Variants in RORA observed in about 807,000 individuals in gnomAD.
RORA encodes the protein nuclear receptor ROR-alpha.
In RORA, 7 loss-of-function variants were observed where a neutral mutation model predicts 69.5. The observed-to-expected ratio is 0.10, with a 90% CI of 0.06 to 0.19. RORA has a LOEUF of 0.19. RORA is among the 10% of genes least tolerant of loss of function. The pLI is 1.00. For synonymous variants in RORA, 261 were observed against 240.8 expected, an observed-to-expected ratio of 1.08 and a Z score of -0.78; for missense variants, 457 against 663.0, an observed-to-expected ratio of 0.69 and a Z score of 3.41.
chr15:61,140,173 A>T (rs1238404902), intron 1 of RORA, among the ~76,000 whole-genome samples: 2 of 152,172 alleles, frequency 1.3e-5, no homozygotes, highest in Non-Finnish European at 2.9e-5. Context: ...CACTTCCAAA[A>T]ATGCAAAGAC....
At chr15:61,080,319 T>A (rs1364808264) in intron 1 of RORA, among the ~76,000 whole-genome samples, 1 of 152,168 alleles carries the variant, frequency 6.6e-6, no homozygotes, top group African/African-American at 2.4e-5. Context: ...CTTACCCATA[T>A]CTTTGCACCT....
At chr15:61,152,205 G>A (rs2079403819) in intron 1 of RORA, among the ~76,000 whole-genome samples, 1 of 152,086 alleles carries the variant, frequency 6.6e-6, no homozygotes. Context: ...TTTTTCTGAA[G>A]TCAACACCTA....
chr15:61,014,754 C>G (rs890837055), intron 1 of RORA, among the ~76,000 whole-genome samples: 1 of 152,186 alleles, frequency 6.6e-6, no homozygotes, highest in Admixed American at 6.5e-5. Flanking sequence ...CAATTTTTCA[C>G]TTCACACTGC....
At chr15:61,149,100 C>T (rs947527148) in intron 1 of RORA, among the ~76,000 whole-genome samples, 2 of 152,168 alleles carry the variant, frequency 1.3e-5, no homozygotes, top group African/African-American at 4.8e-5. Context: ...CAAATGTGAG[C>T]CAGGTGTTAG....
chr15:61,189,395 T>C (rs1596059472), intron 1 of RORA, among the ~76,000 whole-genome samples: 1 of 152,268 alleles, frequency 6.6e-6, no homozygotes, highest in East Asian at 1.9e-4. Context: ...GCTCTTGTTT[T>C]TGAGAGGATC....
chr15:61,040,974 C>G (rs1896737988), intron 1 of RORA: 1 of 152,068 alleles, frequency 6.6e-6, no homozygotes, highest in African/African-American at 2.4e-5. Flanking sequence ...TTTTCTTTGC[C>G]AGGCTTATTT....
At chr15:61,214,169 T>C (rs150288575) in intron 1 of RORA, 2 of 152,364 alleles carry the variant, frequency 1.3e-5, no homozygotes, top group African/African-American at 4.8e-5. Context: ...AACCAGAGTG[T>C]GTTTGCTACT....
At chr15:60,754,348 A>AT (rs1225569604) in intron 1 of RORA, among the ~76,000 whole-genome samples, 1 of 152,196 alleles carries the variant, frequency 6.6e-6, no homozygotes, top group African/African-American at 2.4e-5. Flanking sequence ...TAACACCAAC[A>AT]TATGGGGTTT....
chr15:60,686,180 CCTTTAT>C (rs765107117), intron 1 of RORA, among the ~76,000 whole-genome samples: 2 of 152,140 alleles, frequency 1.3e-5, no homozygotes, highest in South Asian at 2.1e-4. Flanking sequence ...TCAAGTCCTG[CCTTTAT>C]CTTTAACAAA....
Position 60,542,644 on chromosome 15 carries a change from A to ACACATGCACACCTCCCACACACGG in RORA, c.197-10794_197-10793insCCGTGTGTGGGAGGTGTGCATGTG, listed in dbSNP as rs1567073500. On this transcript the variant is annotated intron_variant, in intron 2 of 10. Transcript: ENST00000335670. The stretch of plus-strand genomic sequence containing the variant: ...GGCACACATGCACACCTCACACACG[A>ACACATGCACACCTCCCACACACGG]CACACGGGCACACCTCACACACATG... 4.2e-4 allele frequency among the ~76,000 whole-genome samples: 43 copies of ACACATGCACACCTCCCACACACGG among 102,104 alleles called. 3 individuals are homozygous for ACACATGCACACCTCCCACACACGG. The highest frequency in any genetic ancestry group is 2.0e-3 in the African/African-American group (42 of 20,862). The allele number at this position is 102,104 out of a possible 152,430, so 67.0% of individuals were successfully genotyped here. A position where few individuals can be genotyped will look rare whatever the true frequency, so the allele number is the denominator to read the frequency against.
intron 1 of RORA, among the ~76,000 whole-genome samples, chr15:61,098,286 TGCC>T (rs1425768883): frequency 2.1e-5 from 3 of 141,208 alleles, no homozygotes; most frequent in Non-Finnish European, 3.1e-5. Context: ...CCTCCTTCCC[TGCC>T]TCCCTCACTG....
At chr15:61,216,351 C>A (rs999339743) in intron 1 of RORA, among the ~76,000 whole-genome samples, 1 of 152,122 alleles carries the variant, frequency 6.6e-6, no homozygotes, top group African/African-American at 2.4e-5. Flanking sequence ...AAACAGGTTG[C>A]GAGTCTTTTA....
intron 1 of RORA, among the ~76,000 whole-genome samples, chr15:61,106,017 T>C (rs576016316): frequency 1.3e-5 from 2 of 152,360 alleles, no homozygotes; most frequent in African/African-American, 4.8e-5. Context: ...AAGTGGTATA[T>C]GGGTTCATTC....
chr15:61,151,111 C>T (rs1056648600), intron 1 of RORA, among the ~76,000 whole-genome samples: 1 of 152,086 alleles, frequency 6.6e-6, no homozygotes, highest in Non-Finnish European at 1.5e-5. Flanking sequence ...CACTCTTTTA[C>T]TCTATGCCCA....
intron 1 of RORA, among the ~76,000 whole-genome samples, chr15:61,215,812 C>T (rs1336620048): frequency 2.0e-4 from 30 of 152,190 alleles, no homozygotes; most frequent in Admixed American, 1.4e-3. Flanking sequence ...AGCTCCTCTA[C>T]GTCTGCATGT....
chr15:60,830,122 T>C (rs1213930284), intron 1 of RORA, among the ~76,000 whole-genome samples: 1 of 152,272 alleles, frequency 6.6e-6, no homozygotes, highest in African/African-American at 2.4e-5. Context: ...CTTCCATCCA[T>C]ACCTTCACCC....
At chr15:60,600,009 A>C (rs1276247593) in intron 2 of RORA, among the ~76,000 whole-genome samples, 4 of 152,266 alleles carry the variant, frequency 2.6e-5, no homozygotes, top group African/African-American at 9.6e-5. Flanking sequence ...AGAGCATTTT[A>C]GGATGAACAA....
At chr15:61,200,915 C>T (rs1478613438) in intron 1 of RORA, among the ~76,000 whole-genome samples, 1 of 151,812 alleles carries the variant, frequency 6.6e-6, no homozygotes, top group Non-Finnish European at 1.5e-5. Context: ...ATTGACGGTC[C>T]CAGGGAAAAA....
intron 1 of RORA, among the ~76,000 whole-genome samples, chr15:60,717,306 G>A (rs2071233058): frequency 6.6e-6 from 1 of 152,224 alleles, no homozygotes; most frequent in Non-Finnish European, 1.5e-5. Context: ...ATCCACCCCT[G>A]AGCTTGTTAT....
Sources: allele counts gnomAD v4.1 joint callset (sites outside exome capture counted in the v4.1 genomes callset), GRCh38; gene constraint gnomAD v4.1.1; transcripts MANE v1.5; gene names NCBI Gene and HGNC (gene_info 2026-07-23, HGNC 2026-07-21).